ARPC1B: variants seen among roughly 807,000 people sequenced by gnomAD.
The protein encoded by ARPC1B is actin related protein 2/3 complex subunit 1B.
Under a neutral mutation model 46.0 loss-of-function variants are expected in ARPC1B, and 29 were observed. That is an observed-to-expected ratio of 0.63 (90% CI 0.47 to 0.86). ARPC1B has a LOEUF of 0.86. Among genes scored for constraint, ARPC1B ranks in the 40% least tolerant of loss-of-function variants. The pLI is 0.00. For synonymous variants in ARPC1B, 201 were observed against 213.9 expected, an observed-to-expected ratio of 0.94 and a Z score of 0.53; for missense variants, 469 against 529.4, an observed-to-expected ratio of 0.89 and a Z score of 1.12.
At chr7:99,376,429 A>C (rs1794032167) in intron 1 of ARPC1B, 1 of 152,256 alleles carries the variant, frequency 6.6e-6, no homozygotes, top group South Asian at 2.1e-4. Context: ...CACCTTGATC[A>C]TAGTGTTCCC....
At position 99,390,031 on chromosome 7, in the gene ARPC1B, G is replaced by T. The variant is rs1460326463; in HGVS notation, c.500+19G>T. ...AGTGTCGGTGAGACAGGGCGCCATG[G>T]GGGAGGGCGGGGCTGACGTCAACTG... On this transcript the variant is annotated intron_variant, in intron 5 of 9. Coordinates refer to ENST00000646101, the MANE Select transcript of ARPC1B (RefSeq NM_005720.4). 2 of 1,604,790 alleles carry T rather than the reference G, an allele frequency of 1.2e-6. No homozygotes were observed. The highest frequency in any genetic ancestry group is 2.7e-5 in the African/African-American group (2 of 74,756).
At chr7:99,389,677 GTGGCC>G in intron 4 of ARPC1B, 2 of 517,878 alleles carry the variant, frequency 3.9e-6, no homozygotes, top group Admixed American at 6.6e-5. Flanking sequence ...GGGTGACTGT[GTGGCC>G]TAAAGGATAG....
rs770239244 is a variant in ARPC1B, at chr7:99,388,124, A to G, written c.255A>G (p.Thr85=). Residue 85 remains threonine, a synonymous_variant, in exon 4 of 10, where the codon ACA becomes ACG. Coordinates refer to ENST00000646101, the MANE Select transcript of ARPC1B (RefSeq NM_005720.4). ...NAYVWTLKGR[T]WKPTLVILRI... Reference sequence around the variant, plus strand: ...ACGTGTGGACGCTGAAGGGCCGCACATGGAAGCCCACGCTGGTCATCCTGC... The same window carrying G: ...ACGTGTGGACGCTGAAGGGCCGCACGTGGAAGCCCACGCTGGTCATCCTGC... 37 of 1,614,154 alleles carry G rather than the reference A, an allele frequency of 2.3e-5. No homozygotes were observed. Among genetic ancestry groups the G allele is most frequent in the African/African-American group, 4.0e-5 (3 of 75,044 alleles).
intron 3 of ARPC1B, 65 bp downstream of exon 3, chr7:99,386,854 G>T: frequency 5.0e-6 from 6 of 1,189,566 alleles, no homozygotes; most frequent in Non-Finnish European, 7.4e-6. Context: ...GTGGTGCAAG[G>T]CAGGGCATGG....
intron 2 of ARPC1B, chr7:99,386,401 C>T: frequency 1.8e-6 from 1 of 560,898 alleles, no homozygotes; most frequent in Non-Finnish European, 3.4e-6. Flanking sequence ...GGTGCAGGGG[C>T]CCTGAGGTGT....
Position 99,385,798 on chromosome 7 carries a change from C to A in ARPC1B, c.64+20C>A. 1 of 1,600,182 alleles carries A rather than the reference C, an allele frequency of 6.2e-7. No individual in the cohort carries two copies. Among genetic ancestry groups the A allele is most frequent in the Admixed American group, 1.7e-5 (1 of 57,924 alleles). On this transcript the variant is annotated intron_variant, in intron 2 of 9. Coordinates refer to ENST00000646101, the MANE Select transcript of ARPC1B (RefSeq NM_005720.4). ...GCACCCGTGAGTGCTTGCTGGGGGC[C>A]GGTGGGTGGCTGCTTCCACCTCCTG...
Position 99,388,042 on chromosome 7 carries a change from T to A in ARPC1B, c.173T>A (p.Ile58Asn). 6.2e-7 allele frequency: 1 copy of A among 1,600,150 alleles called. No homozygotes were observed. Among genetic ancestry groups the A allele is most frequent in the Non-Finnish European group, 8.6e-7 (1 of 1,168,576 alleles). The change falls in exon 4 of 10, where the codon ATC becomes AAC. Residue 58 changes from isoleucine (I) to asparagine (N), a missense_variant. Transcript: ENST00000646101. Reference protein sequence around the residue: ...LKEHNGQVTGIDWAPESNRIV... With the variant: ...LKEHNGQVTGNDWAPESNRIV... Reference sequence around the variant, plus strand: ...TGTTCCCTCCATCCCCCCACAGGCATCGACTGGGCCCCCGAGAGTAACCGT... The same window carrying A: ...TGTTCCCTCCATCCCCCCACAGGCAACGACTGGGCCCCCGAGAGTAACCGT...
At chr7:99,388,016 G>C (rs780631095) in intron 3 of ARPC1B, 23 bp from the exon 4 acceptor site, 1 of 1,530,444 alleles carries the variant, frequency 6.5e-7, no homozygotes, top group East Asian at 2.3e-5. Context: ...TCAGCCTCCT[G>C]TGTTCCCTCC....
At chr7:99,390,070 T>C (rs1794520166) in intron 5 of ARPC1B, 58 bp downstream of exon 5, 1 of 1,486,358 alleles carries the variant, frequency 6.7e-7, no homozygotes, top group Non-Finnish European at 9.3e-7. Flanking sequence ...GCTGACATCA[T>C]AGCGGGGAGC....
At chr7:99,389,703 G>C (rs1352855385) in intron 4 of ARPC1B, 2 of 578,106 alleles carry the variant, frequency 3.5e-6, no homozygotes, top group Non-Finnish European at 6.2e-6. Context: ...AGGGCACAGA[G>C]TTCCCACTCC....
intron 4 of ARPC1B, 97 bp downstream of exon 4, chr7:99,388,358 TC>T: frequency 1.1e-5 from 13 of 1,225,254 alleles, no homozygotes; most frequent in Non-Finnish European, 1.4e-5. Context: ...GGACCCCTGT[TC>T]CCATCACCCT....
At chr7:99,394,358 C>G in intron 9 of ARPC1B, 93 bp from the exon 10 acceptor site, 14 of 1,223,864 alleles carry the variant, frequency 1.1e-5, no homozygotes, top group Non-Finnish European at 1.7e-5. Flanking sequence ...CTGCCCTCTG[C>G]TGTGCTGGGG....
chr7:99,391,236 A>G lies in ARPC1B; in HGVS notation c.766A>G (p.Asn256Asp), dbSNP rs1473078878. ...PLLALTFITD[N>D]SLVAAGHDCF... ...GCTGGCGCTGACCTTCATCACAGAC[A>G]ACAGCCTGGTGGCAGCGGTGAGGAA... The change falls in exon 7 of 10, where the codon AAC (asparagine) becomes GAC (aspartate). Residue 256 changes from asparagine to aspartate, a missense_variant. Physicochemically the swap from Asn to Asp is conservative, Grantham distance 23 (BLOSUM62 1). Transcript: ENST00000646101. 6.2e-7 allele frequency: 1 copy of G among 1,614,004 alleles called. No individual in the cohort carries two copies. Among genetic ancestry groups the G allele is most frequent in the Non-Finnish European group, 8.5e-7 (1 of 1,179,990 alleles).
intron 4 of ARPC1B, 33 bp from the exon 5 acceptor site, chr7:99,389,872 C>A (rs770048814): frequency 1.3e-6 from 2 of 1,583,142 alleles, no homozygotes; most frequent in Admixed American, 3.3e-5. Context: ...CTGCCTGTCC[C>A]TCTCTCCCTG....
In ARPC1B at chr7:99,392,652, GC is replaced by G. The variant is rs1794604991; in HGVS notation, c.784-14del. On this transcript the variant is annotated intron_variant, in intron 7 of 9. Coordinates refer to ENST00000646101, the MANE Select transcript of ARPC1B (RefSeq NM_005720.4). ...GTTTCCCCTCCGCGGCGCTCCAATG[GC>G]CCCCGCCCTCCGCGCAGGGCCACGA... 3.8e-5 allele frequency: 56 copies of G among 1,472,170 alleles called. No homozygotes were observed. The highest frequency in any genetic ancestry group is 4.7e-5 in the Non-Finnish European group (52 of 1,107,552). 91.2% of individuals were successfully genotyped at this position (1,472,170 alleles called of 1,614,324 possible).
intron 1 of ARPC1B, among the ~76,000 whole-genome samples, chr7:99,381,412 G>A (rs1389629351): frequency 1.3e-5 from 2 of 152,150 alleles, no homozygotes; most frequent in Non-Finnish European, 2.9e-5. Flanking sequence ...GGTGCAGTGT[G>A]CATGTGTGTG....
intron 9 of ARPC1B, 24 bp downstream of exon 9, chr7:99,394,143 C>G: frequency 6.2e-7 from 1 of 1,609,648 alleles, no homozygotes. Flanking sequence ...CTCCTGGCTT[C>G]CCGCCATGCC....
In ARPC1B at chr7:99,392,894, G is replaced by A. The variant is rs1257136795; in HGVS notation, c.989+18G>A. ...AGCGTCAGGTGAGAGCGGGAGCCGGGCCGGCGGGTGGGCGGGGCCTCGGCT... is the reference window on the plus strand; with the variant it reads ...AGCGTCAGGTGAGAGCGGGAGCCGGACCGGCGGGTGGGCGGGGCCTCGGCT... On this transcript the variant is annotated intron_variant, in intron 8 of 9. Coordinates refer to ENST00000646101, the MANE Select transcript of ARPC1B (RefSeq NM_005720.4). 6.6e-7 allele frequency: 1 copy of A among 1,524,248 alleles called. No individual in the cohort carries two copies. Among genetic ancestry groups the A allele is most frequent in the East Asian group, 2.5e-5 (1 of 40,226 alleles). The allele number at this position is 1,524,248 out of a possible 1,614,324, so 94.4% of individuals were successfully genotyped here.
chr7:99,390,104 AGCTTC>A (rs1352866524), intron 5 of ARPC1B, 92 bp downstream of exon 5: 14 of 1,173,334 alleles, frequency 1.2e-5, no homozygotes, highest in Non-Finnish European at 1.6e-5. Flanking sequence ...TCTACACCCC[AGCTTC>A]TAGACACATT....
Sources: gnomAD v4.1 joint callset for allele counts (sites outside exome capture counted in the v4.1 genomes callset) on GRCh38, gnomAD v4.1.1 for gene constraint, MANE v1.5 for transcripts, NCBI Gene and HGNC (gene_info 2026-07-23, HGNC 2026-07-21) for gene names.